Variants in UGT2B11 observed in about 807,000 individuals in gnomAD.
UGT2B11 encodes the protein UDP glucuronosyltransferase family 2 member B11, also known as UDP-glucuronosyltransferase 2B11.
In UGT2B11, 49 loss-of-function variants were observed where a neutral mutation model predicts 51.7. The observed-to-expected ratio is 0.95, with a 90% CI of 0.75 to 1.20. UGT2B11 has a LOEUF of 1.20. Ranked by LOEUF, UGT2B11 falls within the 50% of genes most tolerant of loss-of-function variation. The pLI is 0.00. For missense variants in UGT2B11, 810 were observed against 622.1 expected, an observed-to-expected ratio of 1.30 and a Z score of -3.21; for synonymous variants, 273 against 209.0, an observed-to-expected ratio of 1.31 and a Z score of -2.64.
upstream of UGT2B11, chr4:69,215,857 T>C (rs1317784825): frequency 6.6e-6 from 1 of 151,976 alleles, no homozygotes; most frequent in Non-Finnish European, 1.5e-5. Flanking sequence ...AAAAGGAAGG[T>C]TTCCTTCCAC....
chr4:69,224,217 C>T, the UGT2B11 span, among the ~76,000 whole-genome samples: 1 of 152,088 alleles, frequency 6.6e-6, no homozygotes, highest in African/African-American at 2.4e-5. Context: ...GAAGTCTGGC[C>T]GGCGGACATT....
intron 2 of UGT2B11, among the ~76,000 whole-genome samples, chr4:69,209,009 G>C (rs1233523758): frequency 6.6e-6 from 1 of 151,562 alleles, no homozygotes; most frequent in East Asian, 1.9e-4. Flanking sequence ...CTACATTTAT[G>C]TTCCTCTACA....
chr4:69,215,832 C>A (rs890312340), upstream of UGT2B11: 15 of 151,508 alleles, frequency 9.9e-5, no homozygotes, highest in African/African-American at 3.6e-4. Context: ...TATAAACACA[C>A]TCCAACAGAC....
chr4:69,214,603 C>T lies in UGT2B11; in HGVS notation c.120G>A (p.Lys40=), dbSNP rs556013852. ...AAEYSHWMNM[K]TILKELVQRG... Reference sequence around the variant, plus strand: ...TCTGAACAAGCTCTTTCAGGATTGTCTTCATATTCATCCAATGGCTGTATT... The same window carrying T: ...TCTGAACAAGCTCTTTCAGGATTGTTTTCATATTCATCCAATGGCTGTATT... The change falls in exon 1 of 6, where the codon AAG becomes AAA. Residue 40 remains lysine (K), a synonymous_variant. Transcript: ENST00000446444. The T allele has an allele frequency of 6.2e-7, 1 of 1,613,256 alleles. No individual in the cohort carries two copies. Among genetic ancestry groups the T allele is most frequent in the Non-Finnish European group, 8.5e-7 (1 of 1,179,420 alleles).
chr4:69,204,101 A>T (rs1721758552), intron 5 of UGT2B11, among the ~76,000 whole-genome samples: 3 of 151,548 alleles, frequency 2.0e-5, no homozygotes, highest in Non-Finnish European at 4.4e-5. Flanking sequence ...TAATTAAAAC[A>T]TTTTATTATA....
chr4:69,204,400 C>A (rs1721770406), intron 5 of UGT2B11, 30 bp downstream of exon 5: 2 of 1,609,004 alleles, frequency 1.2e-6, no homozygotes, highest in Non-Finnish European at 1.7e-6. Flanking sequence ...TCCACAAATA[C>A]CACCTAGTGA....
intron 5 of UGT2B11, among the ~76,000 whole-genome samples, chr4:69,203,338 G>A (rs771576827): frequency 6.6e-6 from 1 of 151,636 alleles, no homozygotes; most frequent in Non-Finnish European, 1.5e-5. Flanking sequence ...TAAGAAGGTT[G>A]TAACAAAAAG....
chr4:69,206,694 A>G (rs931965517), intron 3 of UGT2B11, among the ~76,000 whole-genome samples: 2 of 151,772 alleles, frequency 1.3e-5, no homozygotes, highest in Middle Eastern at 3.4e-3. Context: ...GTAAAAAATT[A>G]TATGGAGTGA....
chr4:69,220,269 T>C, the UGT2B11 span, among the ~76,000 whole-genome samples: 1 of 152,140 alleles, frequency 6.6e-6, no homozygotes, highest in African/African-American at 2.4e-5. Context: ...TTCAACCCTT[T>C]AGTTTTGCAG....
chr4:69,211,101 C>A (rs538658326), intron 2 of UGT2B11: 1 of 151,552 alleles, frequency 6.6e-6, no homozygotes, highest in Admixed American at 6.6e-5. Context: ...ATCCAGAAAG[C>A]TTTACTGATT....
intron 5 of UGT2B11, among the ~76,000 whole-genome samples, chr4:69,202,881 A>G (rs949647087): frequency 7.2e-5 from 11 of 151,752 alleles, no homozygotes; most frequent in South Asian, 2.1e-4. Context: ...AAGTATTTTT[A>G]AAGTATTCCT....
At chr4:69,222,717 C>T in the UGT2B11 span, among the ~76,000 whole-genome samples, 1 of 152,194 alleles carries the variant, frequency 6.6e-6, no homozygotes, top group Admixed American at 6.5e-5. Context: ...GACATCTATA[C>T]AGTCATCAGG....
intron 2 of UGT2B11, among the ~76,000 whole-genome samples, chr4:69,210,793 A>G (rs953603909): frequency 6.6e-6 from 1 of 151,620 alleles, no homozygotes; most frequent in African/African-American, 2.4e-5. Context: ...TTAACAATGG[A>G]ATAAAATTTC....
intron 2 of UGT2B11, among the ~76,000 whole-genome samples, chr4:69,209,414 T>A (rs1301416904): frequency 6.6e-6 from 1 of 151,660 alleles, no homozygotes; most frequent in East Asian, 1.9e-4. Flanking sequence ...TTTGAGTAGC[T>A]CACACACACC....
chr4:69,218,336 G>T (rs918638634), upstream of UGT2B11, among the ~76,000 whole-genome samples: 1 of 152,070 alleles, frequency 6.6e-6, no homozygotes, highest in Non-Finnish European at 1.5e-5. Flanking sequence ...ATCACTATTG[G>T]TAGGGAGAAC....
upstream of UGT2B11, among the ~76,000 whole-genome samples, chr4:69,218,129 T>C (rs1425572555): frequency 1.3e-5 from 2 of 152,208 alleles, no homozygotes; most frequent in Non-Finnish European, 2.9e-5. Flanking sequence ...CCAATCTTGC[T>C]TCCTACTTTT....
At chr4:69,213,640 A>G (rs1241278436) in intron 1 of UGT2B11, among the ~76,000 whole-genome samples, 10 of 151,840 alleles carry the variant, frequency 6.6e-5, no homozygotes, top group African/African-American at 2.2e-4. Flanking sequence ...AAAAATGTGT[A>G]ATTACTCATT....
chr4:69,210,730 G>C (rs1560539678), intron 2 of UGT2B11, among the ~76,000 whole-genome samples: 1 of 151,668 alleles, frequency 6.6e-6, no homozygotes, highest in Non-Finnish European at 1.5e-5. Context: ...TCTCTCTTGA[G>C]AAAGTGACTA....
the UGT2B11 span, among the ~76,000 whole-genome samples, chr4:69,223,937 A>G: frequency 3.9e-5 from 6 of 152,180 alleles, no homozygotes; most frequent in African/African-American, 7.2e-5. Context: ...GGGAAAGTCT[A>G]TCTGGGGAGC....
Sources: gnomAD v4.1 joint callset for allele counts (sites outside exome capture counted in the v4.1 genomes callset) on GRCh38, gnomAD v4.1.1 for gene constraint, MANE v1.5 for transcripts, NCBI Gene and HGNC (gene_info 2026-07-23, HGNC 2026-07-21) for gene names.